The following GMDS variants were observed in gnomAD, a reference collection of about 807,000 sequenced individuals.
The protein encoded by GMDS is GDP-mannose 4,6-dehydratase.
A neutral mutation model predicts 49.9 loss-of-function variants in GMDS; 20 were observed. The ratio of observed to expected loss-of-function variants is 0.40; its 90% confidence interval spans 0.28 to 0.58. GMDS has a LOEUF of 0.58. Among genes scored for constraint, GMDS ranks in the 20% least tolerant of loss-of-function variants. The probability of loss-of-function intolerance (pLI) is 0.42; values close to 1 mark genes in which losing one functional copy is unlikely to be tolerated. For missense variants in GMDS, 362 were observed against 481.4 expected, an observed-to-expected ratio of 0.75 and a Z score of 2.32; for synonymous variants, 177 against 178.6, an observed-to-expected ratio of 0.99 and a Z score of 0.07.
At chr6:1,857,474 T>C (rs1757987368) in intron 7 of GMDS, among the ~76,000 whole-genome samples, 1 of 152,192 alleles carries the variant, frequency 6.6e-6, no homozygotes, top group South Asian at 2.1e-4. Flanking sequence ...ACCTTGGAAA[T>C]TGCTGTTTGG....
intron 9 of GMDS, among the ~76,000 whole-genome samples, chr6:1,702,153 T>G (rs1451805812): frequency 6.6e-6 from 1 of 152,262 alleles, no homozygotes; most frequent in Non-Finnish European, 1.5e-5. Context: ...CAATGCCTGA[T>G]GCAAGCTCGA....
At chr6:2,001,902 C>T (rs1766840266) in intron 4 of GMDS, among the ~76,000 whole-genome samples, 2 of 152,104 alleles carry the variant, frequency 1.3e-5, no homozygotes, top group Admixed American at 1.3e-4. Context: ...GGATCTAAGA[C>T]CTAAATGTAG....
intron 6 of GMDS, among the ~76,000 whole-genome samples, chr6:1,939,520 C>T (rs769689834): frequency 1.5e-4 from 22 of 151,204 alleles, no homozygotes; most frequent in Admixed American, 5.3e-4. Context: ...TATATATATA[C>T]ACACACATAT....
intron 7 of GMDS, among the ~76,000 whole-genome samples, chr6:1,816,842 C>G (rs567475961): frequency 6.6e-6 from 1 of 150,592 alleles, no homozygotes; most frequent in African/African-American, 2.4e-5. Flanking sequence ...TGTCTGCTGA[C>G]CATAAGGCAC....
chr6:2,058,514 G>C (rs1189460691), intron 4 of GMDS, among the ~76,000 whole-genome samples: 4 of 152,116 alleles, frequency 2.6e-5, no homozygotes, highest in Non-Finnish European at 5.9e-5. Flanking sequence ...ACCCTCATGA[G>C]AGTGTAGAGC....
intron 4 of GMDS, among the ~76,000 whole-genome samples, chr6:2,039,738 G>A (rs999512696): frequency 7.9e-5 from 12 of 152,030 alleles, no homozygotes; most frequent in Middle Eastern, 3.2e-3. Flanking sequence ...AGGAGCTGTC[G>A]TCTCCTATGA....
chr6:1,633,285 C>T (rs1250840999), intron 9 of GMDS, among the ~76,000 whole-genome samples: 1 of 152,220 alleles, frequency 6.6e-6, no homozygotes, highest in Non-Finnish European at 1.5e-5. Context: ...TAATCATTTT[C>T]TGAATAGCTG....
chr6:1,819,441 A>G lies in GMDS; in HGVS notation c.772-76855T>C, dbSNP rs761262128. Among the ~76,000 whole-genome samples, 29 of 152,266 alleles carry G rather than the reference A, an allele frequency of 1.9e-4. No homozygotes were observed. In the Middle Eastern group the frequency reaches 0.01, roughly 54 times the overall value. ...CACATGGAAAAGCTCTTCTCTTTGA[A>G]AGATATTTCTTTATATCCACTTAAA... On this transcript the variant is annotated intron_variant, in intron 7 of 10. Coordinates refer to ENST00000380815, the MANE Select transcript of GMDS (RefSeq NM_001500.4).
chr6:1,780,898 A>G (rs536113533), intron 7 of GMDS, among the ~76,000 whole-genome samples: 1 of 152,334 alleles, frequency 6.6e-6, no homozygotes, highest in East Asian at 1.9e-4. Flanking sequence ...CCAAACTTAT[A>G]TTTTAAAAAC....
At chr6:2,184,585 T>C (rs1255293579) in intron 1 of GMDS, among the ~76,000 whole-genome samples, 1 of 152,212 alleles carries the variant, frequency 6.6e-6, no homozygotes, top group Non-Finnish European at 1.5e-5. Context: ...CGGACCTACA[T>C]AGCTATCATT....
chr6:1,666,145 A>T (rs918904577), intron 9 of GMDS, among the ~76,000 whole-genome samples: 1 of 152,098 alleles, frequency 6.6e-6, no homozygotes, highest in Non-Finnish European at 1.5e-5. Context: ...CTGATTAGGC[A>T]TTTGCCCCTT....
intron 4 of GMDS, among the ~76,000 whole-genome samples, chr6:2,000,654 CTT>C (rs1561962919): frequency 1.3e-5 from 2 of 152,214 alleles, no homozygotes; most frequent in South Asian, 4.2e-4. Context: ...TATGAAGTCT[CTT>C]TTTTTGTTTT....
intron 7 of GMDS, among the ~76,000 whole-genome samples, chr6:1,864,088 TATC>T (rs1449483948): frequency 6.6e-6 from 1 of 152,150 alleles, no homozygotes; most frequent in Non-Finnish European, 1.5e-5. Context: ...CTTTCTAGTT[TATC>T]ATCAGTTCAA....
intron 7 of GMDS, among the ~76,000 whole-genome samples, chr6:1,892,713 AACAG>A (rs1168187538): frequency 6.6e-6 from 1 of 152,196 alleles, no homozygotes; most frequent in Non-Finnish European, 1.5e-5. Context: ...TATTGGATCT[AACAG>A]ACAGACACAA....
intron 4 of GMDS, among the ~76,000 whole-genome samples, chr6:1,980,520 T>C (rs892651618): frequency 1.3e-5 from 2 of 151,046 alleles, no homozygotes; most frequent in Non-Finnish European, 2.9e-5. Context: ...ATACAAACAC[T>C]CAATAAAAAA....
intron 1 of GMDS, among the ~76,000 whole-genome samples, chr6:2,202,501 T>C (rs969680132): frequency 6.6e-6 from 1 of 151,586 alleles, no homozygotes; most frequent in African/African-American, 2.4e-5. Flanking sequence ...TGGTTTCAAC[T>C]CAAATGCTTA....
At chr6:1,933,008 C>G (rs187525808) in intron 6 of GMDS, among the ~76,000 whole-genome samples, 3 of 152,134 alleles carry the variant, frequency 2.0e-5, no homozygotes, top group Non-Finnish European at 2.9e-5. Flanking sequence ...AAAAAGAAAC[C>G]CTGTATCATT....
intron 7 of GMDS, among the ~76,000 whole-genome samples, chr6:1,914,566 T>C (rs935604568): frequency 1.3e-5 from 2 of 152,088 alleles, no homozygotes; most frequent in Non-Finnish European, 2.9e-5. Context: ...TTTACTGTAG[T>C]TATTCACAGT....
intron 5 of GMDS, among the ~76,000 whole-genome samples, chr6:1,960,179 T>C (rs1406539485): frequency 6.6e-6 from 1 of 152,242 alleles, no homozygotes; most frequent in Non-Finnish European, 1.5e-5. Flanking sequence ...ACTTTTGTAA[T>C]GCCAACAGTG....
Sources: gnomAD v4.1 joint callset for allele counts (sites outside exome capture counted in the v4.1 genomes callset) on GRCh38, gnomAD v4.1.1 for gene constraint, MANE v1.5 for transcripts, NCBI Gene and HGNC (gene_info 2026-07-23, HGNC 2026-07-21) for gene names.